Variants in PARD3B observed in about 807,000 individuals in gnomAD.
PARD3B encodes partitioning defective 3 homolog B.
In PARD3B, 103 loss-of-function variants were observed where a neutral mutation model predicts 130.2. The observed-to-expected ratio is 0.79, with a 90% CI of 0.67 to 0.93. The LOEUF (loss-of-function observed/expected upper bound fraction) is 0.93, where lower values mean the gene tolerates loss of function less well. Ranked by LOEUF, PARD3B falls within the 40% of genes least tolerant of loss-of-function variation. The pLI is 0.00. For missense variants in PARD3B, 1,609 were observed against 1,499.2 expected (o/e 1.07, Z -1.21); for synonymous variants, 583 against 553.2 (o/e 1.05, Z -0.76).
chr2:205,485,292 G>C (rs1418107964), intron 20 of PARD3B, among the ~76,000 whole-genome samples: 2 of 152,172 alleles, frequency 1.3e-5, no homozygotes, highest in African/African-American at 4.8e-5. Context: ...ACCAGATGAT[G>C]TTACTAGTCA....
rs1336098010 is a variant in PARD3B at position 205,291,328 on chromosome 2, GTCT to G, written c.2186-9197_2186-9195del. On this transcript the variant is annotated intron_variant, in intron 16 of 22. Coordinates refer to ENST00000406610, the MANE Select transcript of PARD3B (RefSeq NM_001302769.2). The surrounding 1 kb of genome is among the most constrained non-coding windows in gnomAD (Gnocchi z 4.6). ...CTGTAAAGAAAGCTTCGATCTCTGA[GTCT>G]TCTTAGATGATACCCACATAATCTT... is the stretch of plus-strand genomic sequence containing the variant. Among the ~76,000 whole-genome samples, 1 of 152,192 alleles carries G rather than the reference GTCT, an allele frequency of 6.6e-6. No homozygotes were observed. Among genetic ancestry groups the G allele is most frequent in the Non-Finnish European group, 1.5e-5 (1 of 68,042 alleles).
intron 10 of PARD3B, among the ~76,000 whole-genome samples, chr2:205,139,239 T>C (rs1033680189): frequency 6.6e-6 from 1 of 152,176 alleles, no homozygotes; most frequent in Non-Finnish European, 1.5e-5. Context: ...GACAAACTTA[T>C]GGCATCAGCC....
chr2:204,913,264 G>C lies in PARD3B; in HGVS notation c.223-51888G>C, dbSNP rs1249543931. 2.6e-5 allele frequency among the ~76,000 whole-genome samples: 4 copies of C among 152,126 alleles called. No homozygotes were observed. The East Asian group carries it at 7.7e-4, about 29-fold the overall frequency. ...TATCCCTCAAATGTATAGATTGTCT[G>C]CATTATAGCTTGATGGTGATTCTGG... On this transcript the variant is annotated intron_variant, in intron 2 of 22. Coordinates refer to ENST00000406610, the MANE Select transcript of PARD3B (RefSeq NM_001302769.2).
intron 19 of PARD3B, among the ~76,000 whole-genome samples, chr2:205,402,157 C>T (rs73985006): frequency 0.013 from 2,050 of 152,232 alleles, 54 homozygotes; most frequent in African/African-American, 0.047. Context: ...GGAAAAAAAG[C>T]TATTTAGTCC....
At chr2:205,204,990 T>C (rs1339285783) in intron 15 of PARD3B, among the ~76,000 whole-genome samples, 1 of 152,146 alleles carries the variant, frequency 6.6e-6, no homozygotes, top group Non-Finnish European at 1.5e-5. Context: ...GTGAAGAAAG[T>C]CAATGGTAGC....
At chr2:204,810,415 T>A (rs1454204144) in intron 2 of PARD3B, among the ~76,000 whole-genome samples, 2 of 152,174 alleles carry the variant, frequency 1.3e-5, no homozygotes, top group Non-Finnish European at 2.9e-5. Flanking sequence ...TTGAGGTATG[T>A]CCCTACAATA....
intron 10 of PARD3B, among the ~76,000 whole-genome samples, chr2:205,150,107 G>C (rs1347509956): frequency 6.6e-6 from 1 of 152,004 alleles, no homozygotes; most frequent in Non-Finnish European, 1.5e-5. Flanking sequence ...CCTGGCTCTG[G>C]GAATCTCAAG....
chr2:205,185,490 G>A (rs2036043622), intron 13 of PARD3B, among the ~76,000 whole-genome samples: 1 of 152,166 alleles, frequency 6.6e-6, no homozygotes, highest in African/African-American at 2.4e-5. Context: ...TCAGCCTTTT[G>A]TTGGTGGGAA....
At chr2:204,837,422 C>CT (rs201988854) in intron 2 of PARD3B, among the ~76,000 whole-genome samples, 6,259 of 140,096 alleles carry the variant, frequency 0.045, 342 homozygotes, top group African/African-American at 0.13. Flanking sequence ...ATAAAAATTA[C>CT]TTTTTTTTTT....
chr2:205,040,556 T>C (rs1019141119), intron 3 of PARD3B, among the ~76,000 whole-genome samples: 1 of 152,178 alleles, frequency 6.6e-6, no homozygotes, highest in Non-Finnish European at 1.5e-5. Flanking sequence ...GCAAAGTCTG[T>C]TAAGGAAATG....
At chr2:204,998,522 GTATATATATGTGTGTA>G (rs1694541503) in intron 3 of PARD3B, among the ~76,000 whole-genome samples, 2 of 66,052 alleles carry the variant, frequency 3.0e-5, no homozygotes, top group Admixed American at 1.9e-4. Flanking sequence ...ATATGTGTGT[GTATATATATGTGTGTA>G]TATATATATA....
chr2:204,752,649 C>A (rs1186726431), intron 2 of PARD3B, among the ~76,000 whole-genome samples: 1 of 152,088 alleles, frequency 6.6e-6, no homozygotes, highest in Non-Finnish European at 1.5e-5. Context: ...TTATTTTCTT[C>A]AGTTGATCCC....
At chr2:205,185,624 G>T (rs2036053190) in intron 13 of PARD3B, 140 bp from the exon 14 acceptor site, 1 of 638,196 alleles carries the variant, frequency 1.6e-6, no homozygotes, top group East Asian at 2.8e-5. Flanking sequence ...GGATCCTTCA[G>T]TTCTGTATGA....
At chr2:205,247,833 T>G (rs2039635226) in intron 16 of PARD3B, among the ~76,000 whole-genome samples, 1 of 152,194 alleles carries the variant, frequency 6.6e-6, no homozygotes, top group African/African-American at 2.4e-5. Flanking sequence ...GAAACGGTTC[T>G]GAGAAAGCAC....
intron 22 of PARD3B, among the ~76,000 whole-genome samples, chr2:205,586,893 G>A (rs16837446): frequency 0.019 from 2,924 of 152,220 alleles, 93 homozygotes; most frequent in African/African-American, 0.068. Context: ...AGTTGTAAAC[G>A]TTGATACCAA....
At chr2:204,696,511 G>T (rs1055345888) in intron 2 of PARD3B, among the ~76,000 whole-genome samples, 1 of 151,948 alleles carries the variant, frequency 6.6e-6, no homozygotes, top group South Asian at 2.1e-4. Flanking sequence ...CCAACAAGAC[G>T]TTTTTGACTT....
In PARD3B at chr2:204,664,137, T is replaced by C. The variant is rs1409053054; in HGVS notation, c.121-22044T>C. On this transcript the variant is annotated intron_variant, in intron 1 of 22. Transcript: ENST00000406610. The surrounding 1 kb of genome is among the most constrained non-coding windows in gnomAD (Gnocchi z 5.2). ...TCTAACCCCATGACTGTCTAATAGC[T>C]TACATATATGTTGGGTAGTAATGCC... is the stretch of plus-strand genomic sequence containing the variant. Among the ~76,000 whole-genome samples, 3 of 152,216 alleles carry C rather than the reference T, an allele frequency of 2.0e-5. No homozygotes were observed. Among genetic ancestry groups the C allele is most frequent in the South Asian group, 4.1e-4 (2 of 4,832 alleles).
At chr2:205,024,848 C>A (rs1168466575) in intron 3 of PARD3B, among the ~76,000 whole-genome samples, 1 of 152,174 alleles carries the variant, frequency 6.6e-6, no homozygotes, top group African/African-American at 2.4e-5. Flanking sequence ...GAACCATAAA[C>A]AGCATGCCCT....
At chr2:205,402,796 C>G (rs1574932434) in intron 19 of PARD3B, among the ~76,000 whole-genome samples, 3 of 152,276 alleles carry the variant, frequency 2.0e-5, no homozygotes, top group Admixed American at 2.0e-4. Context: ...AGGCCACTTC[C>G]CACACATGAA....
Sources: allele counts gnomAD v4.1 joint callset (sites outside exome capture counted in the v4.1 genomes callset), GRCh38; gene constraint gnomAD v4.1.1; non-coding constraint Gnocchi (gnomAD v3.1); transcripts MANE v1.5; gene names NCBI Gene and HGNC (gene_info 2026-07-23, HGNC 2026-07-21).